Variants in PXDNL observed in about 807,000 individuals in gnomAD.
PXDNL encodes the protein peroxidasin like.
PXDNL carries 145 observed loss-of-function variants against 150.8 expected under a neutral mutation model. The observed-to-expected ratio is 0.96, with a 90% CI of 0.84 to 1.10. The LOEUF (loss-of-function observed/expected upper bound fraction) is 1.10. PXDNL is among the 50% of genes least tolerant of loss of function. The pLI is 0.00. For missense variants in PXDNL, 2,087 were observed against 1,873.9 expected (o/e 1.11, Z -2.10); for synonymous variants, 757 against 725.7 (o/e 1.04, Z -0.69).
Position 51,610,558 on chromosome 8 carries a change from A to G in PXDNL, c.237-17860T>C, listed in dbSNP as rs537737822. ...GTATATTTATTAATTTTCTATTGCT[A>G]TATAACAAATTACCGCCAATTCAAT... On this transcript the variant is annotated intron_variant, in intron 2 of 22. Coordinates refer to ENST00000356297, the MANE Select transcript of PXDNL (RefSeq NM_144651.5). Among the ~76,000 whole-genome samples the G allele has an allele frequency of 2.0e-5, 3 of 152,256 alleles. No individual in the cohort carries two copies. The East Asian group carries it at 5.8e-4, about 29-fold the overall frequency.
chr8:51,619,781 G>A (rs1454013826), intron 2 of PXDNL, among the ~76,000 whole-genome samples: 1 of 151,890 alleles, frequency 6.6e-6, no homozygotes, highest in Non-Finnish European at 1.5e-5. Flanking sequence ...ACCAGTCTCA[G>A]GTATTTCTTT....
chr8:51,594,644 A>G (rs1813523165), intron 2 of PXDNL, among the ~76,000 whole-genome samples: 1 of 152,214 alleles, frequency 6.6e-6, no homozygotes, highest in Admixed American at 6.5e-5. Flanking sequence ...TATTGCTGAC[A>G]AGAAATCAAC....
At position 51,754,886 on chromosome 8, in the gene PXDNL, T is replaced by G. The variant is rs2037083718; in HGVS notation, c.164+54295A>C. Among the ~76,000 whole-genome samples, 3 of 151,752 alleles carry G rather than the reference T, an allele frequency of 2.0e-5. No homozygotes were observed. The South Asian group carries it at 6.3e-4, about 32-fold the overall frequency. Reference sequence around the variant, plus strand: ...GAAGGCAATATTTGTTCATTCAGCATTAAAAAAAAAATATTTTTTAGAGAT... The same window carrying G: ...GAAGGCAATATTTGTTCATTCAGCAGTAAAAAAAAAATATTTTTTAGAGAT... On this transcript the variant is annotated intron_variant, in intron 1 of 22. Transcript: ENST00000356297.
At chr8:51,447,248 C>A in intron 11 of PXDNL, 86 bp from the exon 12 acceptor site, 2 of 1,425,206 alleles carry the variant, frequency 1.4e-6, no homozygotes, top group Non-Finnish European at 1.9e-6. Flanking sequence ...AAGGGTGAGG[C>A]CTGTCTTTCA....
chr8:51,481,684 TC>T (rs1170775217), intron 6 of PXDNL, among the ~76,000 whole-genome samples: 1 of 152,152 alleles, frequency 6.6e-6, no homozygotes, highest in Non-Finnish European at 1.5e-5. Context: ...GTGCCCTGCA[TC>T]CCAGCTGTTT....
chr8:51,685,649 T>C (rs1314847483), intron 1 of PXDNL, among the ~76,000 whole-genome samples: 1 of 152,192 alleles, frequency 6.6e-6, no homozygotes, highest in Non-Finnish European at 1.5e-5. Flanking sequence ...CATACATACA[T>C]ATACACATAG....
chr8:51,602,138 G>A (rs965428923), intron 2 of PXDNL, among the ~76,000 whole-genome samples: 2 of 151,712 alleles, frequency 1.3e-5, no homozygotes, highest in African/African-American at 4.8e-5. Context: ...ATTTTGGACA[G>A]TCTGGTGACT....
intron 9 of PXDNL, 60 bp downstream of exon 9, chr8:51,457,438 G>T: frequency 7.5e-7 from 1 of 1,337,372 alleles, no homozygotes; most frequent in Non-Finnish European, 1.0e-6. Flanking sequence ...CTCTAAAGCA[G>T]CAATATTAGA....
At chr8:51,654,606 C>A in intron 2 of PXDNL, 83 bp downstream of exon 2, 1 of 1,017,722 alleles carries the variant, frequency 9.8e-7, no homozygotes, top group East Asian at 2.4e-5. Context: ...CTGTTCTTGA[C>A]ACTCAGAATG....
chr8:51,682,974 G>A (rs1284501111), intron 1 of PXDNL, among the ~76,000 whole-genome samples: 2 of 151,564 alleles, frequency 1.3e-5, no homozygotes, highest in Admixed American at 6.6e-5. Context: ...ATATCTCTTC[G>A]AGATCCTGAT....
intron 16 of PXDNL, among the ~76,000 whole-genome samples, chr8:51,410,931 G>A (rs898997426): frequency 1.3e-5 from 2 of 152,066 alleles, no homozygotes; most frequent in African/African-American, 4.8e-5. Flanking sequence ...TATCCCCCTG[G>A]TAATAAAGCA....
Position 51,738,298 on chromosome 8 carries a change from C to T in PXDNL, c.164+70883G>A, listed in dbSNP as rs113161903. Among the ~76,000 whole-genome samples the T allele has an allele frequency of 2.6e-3, 400 of 152,324 alleles. 3 individuals are homozygous for T. The highest frequency in any genetic ancestry group is 8.4e-3 in the African/African-American group (349 of 41,574). On this transcript the variant is annotated intron_variant, in intron 1 of 22. Transcript: ENST00000356297. The stretch of plus-strand genomic sequence containing the variant: ...GCCCCTGATAGCCAGCCCTGCTCTC[C>T]AGGCTCAGCTCACCTTTGCTCTTCA...
At chr8:51,715,972 A>G (rs2130907379) in intron 1 of PXDNL, among the ~76,000 whole-genome samples, 1 of 152,352 alleles carries the variant, frequency 6.6e-6, no homozygotes, top group Non-Finnish European at 1.5e-5. Flanking sequence ...TAAATTCAAA[A>G]GTTTGCCTCT....
chr8:51,783,839 G>A (rs1052659950), intron 1 of PXDNL, among the ~76,000 whole-genome samples: 2 of 152,154 alleles, frequency 1.3e-5, no homozygotes, highest in Non-Finnish European at 2.9e-5. Flanking sequence ...CTTAGAAATA[G>A]TCTCACTGGA....
At chr8:51,759,132 T>C (rs1421073853) in intron 1 of PXDNL, among the ~76,000 whole-genome samples, 1 of 152,172 alleles carries the variant, frequency 6.6e-6, no homozygotes, top group Non-Finnish European at 1.5e-5. Context: ...CCAGGGGTTC[T>C]TTGTTTGCCC....
chr8:51,377,502 G>T (rs1807364217), intron 17 of PXDNL, among the ~76,000 whole-genome samples: 1 of 152,208 alleles, frequency 6.6e-6, no homozygotes, highest in Non-Finnish European at 1.5e-5. Flanking sequence ...CCCTCAGCTT[G>T]CAGGGAGGTG....
chr8:51,706,168 G>A (rs964227413), intron 1 of PXDNL, among the ~76,000 whole-genome samples: 19 of 152,214 alleles, frequency 1.2e-4, no homozygotes, highest in African/African-American at 4.6e-4. Context: ...AATATTAGGT[G>A]GGCTTGGTGG....
chr8:51,496,535 C>G (rs7827475), intron 5 of PXDNL, among the ~76,000 whole-genome samples: 1 of 151,904 alleles, frequency 6.6e-6, no homozygotes, highest in Non-Finnish European at 1.5e-5. Context: ...AAAACCCCGT[C>G]GTCTCAGCCC....
chr8:51,563,229 C>T (rs543996180), intron 3 of PXDNL, among the ~76,000 whole-genome samples: 13 of 152,104 alleles, frequency 8.5e-5, no homozygotes, highest in African/African-American at 2.9e-4. Context: ...AATTTATATG[C>T]TAACAGTTCT....
Sources: allele counts gnomAD v4.1 joint callset (sites outside exome capture counted in the v4.1 genomes callset), GRCh38; gene constraint gnomAD v4.1.1; transcripts MANE v1.5; gene names NCBI Gene and HGNC (gene_info 2026-07-23, HGNC 2026-07-21).